The following ERBB4 variants were observed in gnomAD, a reference collection of about 807,000 sequenced individuals.
ERBB4 encodes erb-b2 receptor tyrosine kinase 4.
A neutral mutation model predicts 158.0 loss-of-function variants in ERBB4; 42 were observed. That is an observed-to-expected ratio of 0.27 (90% CI 0.21 to 0.34). The LOEUF (loss-of-function observed/expected upper bound fraction) is 0.34. ERBB4 is among the 10% of genes least tolerant of loss of function. The pLI, the probability that ERBB4 is intolerant of heterozygous loss-of-function variation, is 1.00. For missense variants in ERBB4, 1,333 were observed against 1,624.1 expected (o/e 0.82, Z 3.08); for synonymous variants, 583 against 558.7 (o/e 1.04, Z -0.61).
chr2:211,763,970 G>A (rs1223817391), intron 4 of ERBB4, among the ~76,000 whole-genome samples: 1 of 151,554 alleles, frequency 6.6e-6, no homozygotes, highest in African/African-American at 2.4e-5. Context: ...TTAACAAATA[G>A]GCACATTTCT....
At chr2:211,885,488 C>T (rs1273172535) in intron 3 of ERBB4, among the ~76,000 whole-genome samples, 1 of 151,908 alleles carries the variant, frequency 6.6e-6, no homozygotes, top group Non-Finnish European at 1.5e-5. Flanking sequence ...CAGGCTCTCA[C>T]TCTGTCACCC....
chr2:212,418,884 T>C (rs1358924424), intron 1 of ERBB4, among the ~76,000 whole-genome samples: 1 of 151,892 alleles, frequency 6.6e-6, no homozygotes, highest in South Asian at 2.1e-4. Flanking sequence ...TTAGATCCCA[T>C]TGACATGGTC....
At chr2:211,540,041 A>G (rs1448583260) in intron 20 of ERBB4, among the ~76,000 whole-genome samples, 3 of 151,904 alleles carry the variant, frequency 2.0e-5, no homozygotes, top group Non-Finnish European at 1.5e-5. Context: ...AAAATGTCTA[A>G]GTCAGTCTAG....
intron 19 of ERBB4, among the ~76,000 whole-genome samples, chr2:211,606,653 C>A (rs2068988991): frequency 6.6e-6 from 1 of 151,800 alleles, no homozygotes; most frequent in African/African-American, 2.4e-5. Flanking sequence ...ATATTCATAC[C>A]CATAAACCCA....
In ERBB4 at chr2:212,223,719, C is replaced by T. The variant is rs1040215982; in HGVS notation, c.83-98816G>A. 1.1e-4 allele frequency among the ~76,000 whole-genome samples: 16 copies of T among 151,572 alleles called. No individual in the cohort carries two copies. In the Admixed American group the frequency reaches 1.1e-3, roughly 10 times the overall value. On this transcript the variant is annotated intron_variant, in intron 1 of 27. Transcript: ENST00000342788. ...AGACTTTAAAAAATTGTTATTTACT[C>T]TCTTCTTAAAAATTATTTTTAATTA...
chr2:211,559,499 A>C (rs950175997), intron 20 of ERBB4, among the ~76,000 whole-genome samples: 23 of 152,122 alleles, frequency 1.5e-4, no homozygotes, highest in African/African-American at 5.6e-4. Flanking sequence ...TCATGCCTAA[A>C]ATTATTCCAC....
intron 25 of ERBB4, among the ~76,000 whole-genome samples, chr2:211,401,518 T>C (rs1222110278): frequency 6.6e-6 from 1 of 152,052 alleles, no homozygotes; most frequent in Non-Finnish European, 1.5e-5. Context: ...TTCAATTGAA[T>C]TTTTCCTTCC....
intron 3 of ERBB4, among the ~76,000 whole-genome samples, chr2:211,867,395 A>G (rs1372743417): frequency 6.6e-6 from 1 of 152,228 alleles, no homozygotes. Context: ...AGCAAAATTT[A>G]CAAGTATGTA....
At chr2:211,652,363 T>C (rs1214885977) in intron 16 of ERBB4, among the ~76,000 whole-genome samples, 1 of 152,214 alleles carries the variant, frequency 6.6e-6, no homozygotes, top group Non-Finnish European at 1.5e-5. Flanking sequence ...AATAAAGGGC[T>C]GTGTGCTTTT....
intron 4 of ERBB4, among the ~76,000 whole-genome samples, chr2:211,754,098 G>T (rs879669436): frequency 6.6e-6 from 1 of 152,010 alleles, no homozygotes; most frequent in African/African-American, 2.4e-5. Context: ...CTGACCTCGT[G>T]ATCTGCCTGC....
At chr2:212,264,057 A>T (rs2085042211) in intron 1 of ERBB4, among the ~76,000 whole-genome samples, 1 of 152,066 alleles carries the variant, frequency 6.6e-6, no homozygotes. Flanking sequence ...TCTTAGATAT[A>T]TGTTATATGC....
At chr2:212,336,961 A>G (rs2106309836) in intron 1 of ERBB4, among the ~76,000 whole-genome samples, 1 of 152,234 alleles carries the variant, frequency 6.6e-6, no homozygotes, top group African/African-American at 2.4e-5. Context: ...CTGTTGGTCT[A>G]TGGATCTCAT....
At chr2:212,236,292 A>T (rs2083871242) in intron 1 of ERBB4, among the ~76,000 whole-genome samples, 1 of 152,248 alleles carries the variant, frequency 6.6e-6, no homozygotes, top group African/African-American at 2.4e-5. Context: ...ATGTTGAACC[A>T]GCCTTGCATC....
At chr2:212,173,880 A>G (rs2081588188) in intron 1 of ERBB4, among the ~76,000 whole-genome samples, 2 of 152,154 alleles carry the variant, frequency 1.3e-5, no homozygotes, top group African/African-American at 4.8e-5. Context: ...GAGCCAGTAC[A>G]GTGAAGGTTA....
chr2:211,838,411 T>C (rs1482433790), intron 3 of ERBB4, among the ~76,000 whole-genome samples: 1 of 152,142 alleles, frequency 6.6e-6, no homozygotes, highest in Non-Finnish European at 1.5e-5. Flanking sequence ...TCACATATGA[T>C]ACAGCTTTAC....
chr2:212,134,676 CTTTTTTTT>C (rs869141215), intron 1 of ERBB4, among the ~76,000 whole-genome samples: 2 of 69,056 alleles, frequency 2.9e-5, no homozygotes, highest in Non-Finnish European at 5.1e-5. Flanking sequence ...TAAACACTTT[CTTTTTTTT>C]TTTTTTTTTT....
chr2:211,857,077 T>C (rs1006626222), intron 3 of ERBB4, among the ~76,000 whole-genome samples: 3 of 152,144 alleles, frequency 2.0e-5, no homozygotes, highest in Admixed American at 6.5e-5. Flanking sequence ...TGGCATATGG[T>C]TGTCAGGTAA....
chr2:212,402,152 G>A (rs1014866667), intron 1 of ERBB4, among the ~76,000 whole-genome samples: 2 of 152,138 alleles, frequency 1.3e-5, no homozygotes, highest in Middle Eastern at 6.8e-3. Flanking sequence ...AAACAGTGGT[G>A]CATACACACT....
At chr2:211,571,214 C>T (rs1191210875) in intron 19 of ERBB4, among the ~76,000 whole-genome samples, 1 of 151,800 alleles carries the variant, frequency 6.6e-6, no homozygotes, top group African/African-American at 2.4e-5. Context: ...AGAAATACTA[C>T]CCGGGCTTTG....
Sources: gnomAD v4.1 joint callset for allele counts (sites outside exome capture counted in the v4.1 genomes callset) on GRCh38, gnomAD v4.1.1 for gene constraint, MANE v1.5 for transcripts, NCBI Gene and HGNC (gene_info 2026-07-23, HGNC 2026-07-21) for gene names.